The following PRDM16 variants were observed in gnomAD, a reference collection of about 807,000 sequenced individuals.
The protein encoded by PRDM16 is PR/SET domain 16, also known as histone-lysine N-methyltransferase PRDM16.
A neutral mutation model predicts 110.6 loss-of-function variants in PRDM16; 23 were observed. That is an observed-to-expected ratio of 0.21 (90% confidence interval 0.15 to 0.29). The LOEUF is 0.29. Ranked by LOEUF, PRDM16 falls within the 10% of genes least tolerant of loss-of-function variation. The pLI, the probability that PRDM16 is intolerant of heterozygous loss-of-function variation, is 1.00. For missense variants in PRDM16, 1,615 were observed against 1,794.3 expected (o/e 0.90, Z 1.81); for synonymous variants, 799 against 781.8 (o/e 1.02, Z -0.37).
At position 3,433,926 on chromosome 1, in the gene PRDM16, C is replaced by G. The variant is rs115869380; in HGVS notation, c.*115C>G. The G allele has an allele frequency of 2.8e-4, 290 of 1,023,982 alleles. No individual in the cohort carries two copies. The African/African-American group carries it at 3.7e-3, about 13-fold the overall frequency. The allele number at this position is 1,023,982 out of a possible 1,614,324, so 63.4% of individuals were successfully genotyped here. ...GCGTGTGGCCACTCCTCAGCATCCTCCCCACCCACCATGGTTCATTCCGAC... is the reference window on the plus strand; with the variant it reads ...GCGTGTGGCCACTCCTCAGCATCCTGCCCACCCACCATGGTTCATTCCGAC... On this transcript the variant is annotated 3_prime_UTR_variant, in exon 17 of 17. Transcript: ENST00000270722.
rs749171035 is a variant in PRDM16, at chr1:3,417,943, C to G, written c.2807C>G (p.Pro936Arg). Residue 936 changes from proline to arginine, a missense_variant, in exon 11 of 17, where the codon CCC becomes CGC. This residue lies in a region of PRDM16 where 772 missense variants were observed against 748.3 expected (regional missense o/e 1.03). Transcript: ENST00000270722. ...PHHPFNFRSP[P>R]PTLSDPILRK... The stretch of plus-strand genomic sequence containing the variant: ...CACCCCTTCAACTTCCGGTCCCCAC[C>G]CCCAACGCTCTCCGACCCCATCCTC... 6.2e-7 allele frequency: 1 copy of G among 1,613,236 alleles called. No individual in the cohort carries two copies. Among genetic ancestry groups the G allele is most frequent in the Non-Finnish European group, 8.5e-7 (1 of 1,179,826 alleles).
Position 3,382,304 on chromosome 1 carries a change from C to T in PRDM16, c.439-2848C>T, listed in dbSNP as rs12086816. Among the ~76,000 whole-genome samples the T allele has an allele frequency of 0.011, 1,746 of 152,300 alleles. 41 individuals carry two copies. Among genetic ancestry groups the T allele is most frequent in the African/African-American group, 0.04 (1,651 of 41,544 alleles). On this transcript the variant is annotated intron_variant, in intron 3 of 16. Transcript: ENST00000270722. This position sits in a 1 kb window ranked among gnomAD's most constrained non-coding sequence, Gnocchi z 6.6. The stretch of plus-strand genomic sequence containing the variant: ...TGGCAAGAGATGGGGTGCAATGGGG[C>T]GGGCTGCTGAGTCTGTGGTTCTTGG...
chr1:3,154,652 G>T (rs778743733), intron 1 of PRDM16, among the ~76,000 whole-genome samples: 1 of 152,096 alleles, frequency 6.6e-6, no homozygotes, highest in Non-Finnish European at 1.5e-5. Flanking sequence ...TCACGCAGTC[G>T]GCCGGGCATC....
intron 1 of PRDM16, among the ~76,000 whole-genome samples, chr1:3,114,089 T>A (rs1160616940): frequency 6.6e-6 from 1 of 152,128 alleles, no homozygotes; most frequent in African/African-American, 2.4e-5. Flanking sequence ...TATTTGCATG[T>A]TCATTTGTGA....
At chr1:3,373,369 C>G (rs1229676536) in intron 3 of PRDM16, among the ~76,000 whole-genome samples, 1 of 152,166 alleles carries the variant, frequency 6.6e-6, no homozygotes, top group Non-Finnish European at 1.5e-5. Context: ...TGCGGTGACC[C>G]ACATCTGGGC....
chr1:3,392,004 C>A (rs1643308781), intron 4 of PRDM16, among the ~76,000 whole-genome samples: 1 of 152,216 alleles, frequency 6.6e-6, no homozygotes, highest in South Asian at 2.1e-4. Context: ...ACACTCACAG[C>A]GTGTGGAGAC....
intron 3 of PRDM16, among the ~76,000 whole-genome samples, chr1:3,334,674 C>T (rs1003486907): frequency 1.3e-5 from 2 of 152,214 alleles, no homozygotes; most frequent in Non-Finnish European, 2.9e-5. Context: ...GGCTCTGCTC[C>T]ACAAAGCCAC....
rs1638566038 is a variant in PRDM16, at chr1:3,425,268, C to CG, written c.2940-309dup. 4.8e-6 allele frequency: 1 copy of CG among 208,200 alleles called. No individual in the cohort carries two copies. Among genetic ancestry groups the CG allele is most frequent in the Admixed American group, 5.3e-5 (1 of 18,982 alleles). 12.9% of individuals were successfully genotyped at this position (208,200 alleles called of 1,614,324 possible). ...GATTTTTTTGTATTTTTAGTAGAGA[C>CG]GGGGTTTCACCATGTCAGCCAGGAT... On this transcript the variant is annotated intron_variant, in intron 12 of 16. Transcript: ENST00000270722. This position sits in a 1 kb window ranked among gnomAD's most constrained non-coding sequence, Gnocchi z 6.9.
intron 1 of PRDM16, among the ~76,000 whole-genome samples, chr1:3,110,298 G>A (rs1457377672): frequency 4.2e-5 from 6 of 141,402 alleles, no homozygotes; most frequent in Admixed American, 1.4e-4. Context: ...CAGTGTCTGC[G>A]GCTCCCCCAT....
At chr1:3,384,420 C>A (rs77152904) in intron 3 of PRDM16, among the ~76,000 whole-genome samples, 4,127 of 152,254 alleles carry the variant, frequency 0.027, 154 homozygotes, top group African/African-American at 0.092. Flanking sequence ...TGAGGGGACA[C>A]CGTCTCTCCA....
Position 3,353,186 on chromosome 1 carries a change from T to C in PRDM16, c.439-31966T>C, listed in dbSNP as rs1642528568. ...GGATTTGCTGCTTCCTCCTGACCAA[T>C]GCCCTCCTGTAGTAAAAGTTAACCG... On this transcript the variant is annotated intron_variant, in intron 3 of 16. Transcript: ENST00000270722. The surrounding 1 kb of genome is among the most constrained non-coding windows in gnomAD (Gnocchi z 5.4). Among the ~76,000 whole-genome samples, 1 of 152,194 alleles carries C rather than the reference T, an allele frequency of 6.6e-6. No individual in the cohort carries two copies. Among genetic ancestry groups the C allele is most frequent in the Admixed American group, 6.5e-5 (1 of 15,286 alleles).
chr1:3,226,797 G>C (rs534361158), intron 2 of PRDM16, among the ~76,000 whole-genome samples: 3 of 152,156 alleles, frequency 2.0e-5, no homozygotes, highest in Non-Finnish European at 4.4e-5. Flanking sequence ...GTCCCCGCAC[G>C]GGGACCCCAG....
chr1:3,138,197 G>A (rs1207200668), intron 1 of PRDM16, among the ~76,000 whole-genome samples: 1 of 152,198 alleles, frequency 6.6e-6, no homozygotes, highest in Non-Finnish European at 1.5e-5. Flanking sequence ...TATAATCCTG[G>A]GGAGAGGCCG....
At position 3,295,051 on chromosome 1, in the gene PRDM16, G is replaced by A. The variant is rs372515081; in HGVS notation, c.438+50914G>A. Reference sequence around the variant, plus strand: ...CCCTCAGCCCCACTGGGCTTTCTTCGAGGTGCTCTCCTGCCTGTGGGCCCA... The same window carrying A: ...CCCTCAGCCCCACTGGGCTTTCTTCAAGGTGCTCTCCTGCCTGTGGGCCCA... On this transcript the variant is annotated intron_variant, in intron 3 of 16. Coordinates refer to ENST00000270722, the MANE Select transcript of PRDM16 (RefSeq NM_022114.4). Among the ~76,000 whole-genome samples the A allele has an allele frequency of 1.4e-4, 21 of 152,290 alleles. No homozygotes were observed. In the South Asian group the frequency reaches 3.5e-3, roughly 26 times the overall value.
intron 1 of PRDM16, among the ~76,000 whole-genome samples, chr1:3,173,716 G>C (rs545879416): frequency 6.6e-6 from 1 of 152,248 alleles, no homozygotes; most frequent in Admixed American, 6.5e-5. Flanking sequence ...GCTTCTCTCC[G>C]AGCTTCAGGG....
At chr1:3,409,669 CTGTGGTGTGTGTGTGCGTGTG>C (rs1643636016) in intron 8 of PRDM16, among the ~76,000 whole-genome samples, 2 of 148,206 alleles carry the variant, frequency 1.3e-5, no homozygotes, top group South Asian at 4.4e-4. Context: ...GTGTGCGTGT[CTGTGGTGTGTGTGTGCGTGTG>C]TGTGGTGTAT....
intron 3 of PRDM16, among the ~76,000 whole-genome samples, chr1:3,261,127 GA>G (rs36004351): frequency 0.11 from 14,802 of 139,392 alleles, 2,044 homozygotes; most frequent in African/African-American, 0.31. Context: ...GCATTAACAA[GA>G]AAAAAAAAAA....
At chr1:3,229,398 C>T (rs906563396) in intron 2 of PRDM16, among the ~76,000 whole-genome samples, 2 of 150,770 alleles carry the variant, frequency 1.3e-5, no homozygotes, top group African/African-American at 5.0e-5. Context: ...CTGGGAAGCA[C>T]ATTCACCCCC....
At chr1:3,318,577 T>C (rs1030424591) in intron 3 of PRDM16, among the ~76,000 whole-genome samples, 19 of 149,342 alleles carry the variant, frequency 1.3e-4, no homozygotes, top group African/African-American at 4.9e-4. Context: ...TATCAGTCGA[T>C]TGATCATCTA....
Sources: allele counts gnomAD v4.1 joint callset (sites outside exome capture counted in the v4.1 genomes callset), GRCh38; gene constraint gnomAD v4.1.1; regional missense constraint gnomAD v4.1.1; non-coding constraint Gnocchi (gnomAD v3.1); transcripts MANE v1.5; gene names NCBI Gene and HGNC (gene_info 2026-07-23, HGNC 2026-07-21).